SHANK2: variants seen among roughly 807,000 people sequenced by gnomAD.
The protein encoded by SHANK2 is SH3 and multiple ankyrin repeat domains 2.
Under a neutral mutation model 133.7 loss-of-function variants are expected in SHANK2, and 43 were observed. That is an observed-to-expected ratio of 0.32 (90% confidence interval 0.25 to 0.41). SHANK2 has a LOEUF of 0.41. Ranked by LOEUF, SHANK2 falls within the 10% of genes least tolerant of loss-of-function variation. The pLI is 1.00. For synonymous variants in SHANK2, 1,017 were observed against 952.8 expected (o/e 1.07, Z -1.24); for missense variants, 1,994 against 2,235.8 (o/e 0.89, Z 2.18).
chr11:70,662,419 C>G (rs963137038), intron 15 of SHANK2, among the ~76,000 whole-genome samples: 1 of 152,144 alleles, frequency 6.6e-6, no homozygotes, highest in Non-Finnish European at 1.5e-5. Flanking sequence ...TGGGAGAGGG[C>G]GGGGAGGGGG....
chr11:71,152,084 A>AC (rs1952809587), intron 2 of SHANK2, among the ~76,000 whole-genome samples: 2 of 151,944 alleles, frequency 1.3e-5, no homozygotes, highest in South Asian at 2.1e-4. Flanking sequence ...GACAAAAAAA[A>AC]CGTGAAATTT....
intron 14 of SHANK2, among the ~76,000 whole-genome samples, chr11:70,785,346 AAGC>A (rs1281124134): frequency 6.6e-6 from 1 of 152,142 alleles, no homozygotes; most frequent in Non-Finnish European, 1.5e-5. Flanking sequence ...TCACTCATCA[AAGC>A]AGATCTCTGC....
intron 10 of SHANK2, among the ~76,000 whole-genome samples, chr11:70,941,551 T>C (rs1950648439): frequency 6.6e-6 from 1 of 152,152 alleles, no homozygotes; most frequent in Non-Finnish European, 1.5e-5. Context: ...GGGATGGCAT[T>C]TGGATTGGGA....
chr11:71,203,054 A>T (rs1214410054), intron 2 of SHANK2, among the ~76,000 whole-genome samples: 1 of 152,238 alleles, frequency 6.6e-6, no homozygotes, highest in Non-Finnish European at 1.5e-5. Context: ...ACACACAGGC[A>T]TGCTCATGGA....
chr11:70,590,842 A>G (rs1268445164), intron 17 of SHANK2, among the ~76,000 whole-genome samples: 1 of 152,080 alleles, frequency 6.6e-6, no homozygotes, highest in Non-Finnish European at 1.5e-5. Flanking sequence ...GGCTGAACCC[A>G]CAAATATCCC....
At chr11:71,235,640 T>A (rs1425598532) in intron 1 of SHANK2, among the ~76,000 whole-genome samples, 1 of 150,810 alleles carries the variant, frequency 6.6e-6, no homozygotes, top group Non-Finnish European at 1.5e-5. Flanking sequence ...GTATTTTACC[T>A]CCATAAAGGA....
At chr11:70,711,995 C>T (rs936112288) in intron 14 of SHANK2, among the ~76,000 whole-genome samples, 6 of 152,140 alleles carry the variant, frequency 3.9e-5, no homozygotes, top group Non-Finnish European at 7.4e-5. Flanking sequence ...ACAACACAAA[C>T]GTCTCCCCTT....
At chr11:71,156,299 C>A (rs188019192) in intron 2 of SHANK2, among the ~76,000 whole-genome samples, 51 of 152,360 alleles carry the variant, frequency 3.3e-4, no homozygotes, top group African/African-American at 1.2e-3. Flanking sequence ...CTGAAAAGAA[C>A]CTCCATCTAT....
intron 10 of SHANK2, among the ~76,000 whole-genome samples, chr11:70,912,631 G>A (rs1480536138): frequency 2.6e-5 from 4 of 152,108 alleles, no homozygotes; most frequent in Admixed American, 1.3e-4. Flanking sequence ...ATGATGCATC[G>A]TGCACCACGA....
At chr11:71,247,041 C>T (rs914181337) in intron 1 of SHANK2, among the ~76,000 whole-genome samples, 2 of 152,098 alleles carry the variant, frequency 1.3e-5, no homozygotes, top group East Asian at 1.9e-4. Context: ...GTATATTTTT[C>T]GTGCAGAGAA....
rs1255475074 is a variant in SHANK2 at position 71,147,087 on chromosome 11, G to T, written c.207+33C>A. 6 of 1,518,960 alleles carry T rather than the reference G, an allele frequency of 4.0e-6. No homozygotes were observed. In the East Asian group the frequency reaches 1.5e-4, roughly 37 times the overall value. 94.1% of individuals were successfully genotyped at this position (1,518,960 alleles called of 1,614,324 possible). A position where few individuals can be genotyped will look rare whatever the true frequency, so the allele number is the denominator to read the frequency against. ...TTCAAGCCACAGGTGACATTGTCCA[G>T]ATGTGAACCAAAGGGCAGACCACGG... is the stretch of plus-strand genomic sequence containing the variant. On this transcript the variant is annotated intron_variant, in intron 3 of 25. Coordinates refer to ENST00000601538, the MANE Select transcript of SHANK2 (RefSeq NM_012309.5).
intron 7 of SHANK2, 75 bp from the exon 8 acceptor site, chr11:71,092,664 A>G (rs1565445968): frequency 1.4e-6 from 2 of 1,457,956 alleles, no homozygotes; most frequent in Non-Finnish European, 1.9e-6. Flanking sequence ...TCCAGAAAGC[A>G]GCACCAGGAC....
intron 1 of SHANK2, among the ~76,000 whole-genome samples, chr11:71,245,275 C>A (rs557417968): frequency 6.6e-6 from 1 of 152,178 alleles, no homozygotes; most frequent in South Asian, 2.1e-4. Context: ...CCACCTCGAC[C>A]GGCCTCACCA....
chr11:71,193,830 G>A (rs1953842774), intron 2 of SHANK2, among the ~76,000 whole-genome samples: 1 of 152,202 alleles, frequency 6.6e-6, no homozygotes, highest in African/African-American at 2.4e-5. Context: ...CCTGGGCACT[G>A]CCATTTTCCC....
chr11:70,526,579 G>T (rs2059400214), intron 17 of SHANK2, among the ~76,000 whole-genome samples: 1 of 152,228 alleles, frequency 6.6e-6, no homozygotes, highest in South Asian at 2.1e-4. Context: ...AACCTGCTGA[G>T]TGTGCTTAGC....
At position 70,487,289 on chromosome 11, in the gene SHANK2, C is replaced by G. The variant is rs782310841; in HGVS notation, c.3004G>C (p.Val1002Leu). 1.2e-6 allele frequency: 2 copies of G among 1,614,178 alleles called. No individual in the cohort carries two copies. Among genetic ancestry groups the G allele is most frequent in the Non-Finnish European group, 1.7e-6 (2 of 1,180,036 alleles). Residue 1002 changes from valine to leucine, a missense_variant, in exon 25 of 26, where the codon GTC becomes CTC. Val to Leu is a conservative substitution (Grantham distance 32). This residue lies in a region of SHANK2 where 488 missense variants were observed against 642.6 expected (regional missense o/e 0.76). Transcript: ENST00000601538. This position sits in a 1 kb window ranked among gnomAD's most constrained non-coding sequence, Gnocchi z 5.8. ...VGKIASKAVY[V>L]PAKPARRKGM... The stretch of plus-strand genomic sequence containing the variant: ...TTCCGCCTGGCGGGCTTGGCGGGGA[C>G]GTAGACGGCTTTGCTGGCGATCTTC...
At chr11:70,646,914 G>A (rs2061271749) in intron 17 of SHANK2, among the ~76,000 whole-genome samples, 2 of 151,776 alleles carry the variant, frequency 1.3e-5, no homozygotes, top group Non-Finnish European at 2.9e-5. Context: ...AGGCTGGAGT[G>A]CAGTGGCACA....
At chr11:70,644,550 G>A (rs190255384) in intron 17 of SHANK2, among the ~76,000 whole-genome samples, 3 of 152,310 alleles carry the variant, frequency 2.0e-5, no homozygotes, top group Admixed American at 1.3e-4. Context: ...GGGGGCCCCC[G>A]GCCAAGGGCA....
intron 17 of SHANK2, among the ~76,000 whole-genome samples, chr11:70,583,725 C>T (rs1248789813): frequency 6.6e-6 from 1 of 152,222 alleles, no homozygotes; most frequent in African/African-American, 2.4e-5. Flanking sequence ...CCTAATGAAC[C>T]ATCGAGGCTG....
Sources: gnomAD v4.1 joint callset for allele counts (sites outside exome capture counted in the v4.1 genomes callset) on GRCh38, gnomAD v4.1.1 for gene constraint, gnomAD v4.1.1 regional missense constraint, Gnocchi (gnomAD v3.1) non-coding constraint, MANE v1.5 for transcripts, NCBI Gene and HGNC (gene_info 2026-07-23, HGNC 2026-07-21) for gene names.